CDH18: variants seen among roughly 807,000 people sequenced by gnomAD.
CDH18 encodes cadherin-18.
CDH18 carries 31 observed loss-of-function variants against 67.9 expected under a neutral mutation model. That is an observed-to-expected ratio of 0.46 (90% confidence interval 0.34 to 0.62). The LOEUF is 0.62. Ranked by LOEUF, CDH18 falls within the 20% of genes least tolerant of loss-of-function variation. The pLI is 0.01. For missense variants in CDH18, 890 were observed against 975.5 expected (o/e 0.91, Z 1.17); for synonymous variants, 362 against 347.2 (o/e 1.04, Z -0.48).
At chr5:20,179,058 GT>G (rs1398787563) in intron 2 of CDH18, among the ~76,000 whole-genome samples, 1 of 152,090 alleles carries the variant, frequency 6.6e-6, no homozygotes, top group Non-Finnish European at 1.5e-5. Context: ...TATAAAAAAT[GT>G]ATAGTAGAGT....
chr5:19,952,771 T>C lies in CDH18; in HGVS notation c.-257+28289A>G, dbSNP rs73762460. On this transcript the variant is annotated intron_variant, in intron 2 of 12. Transcript: ENST00000382275. ...ACATTCAATATATATTCAAACCTCA[T>C]ATAACATATTCAATGATATGAGAGG... Among the ~76,000 whole-genome samples the C allele has an allele frequency of 5.5e-3, 843 of 152,186 alleles. 8 individuals carry two copies. Among genetic ancestry groups the C allele is most frequent in the African/African-American group, 0.019 (783 of 41,538 alleles).
At chr5:19,473,836 G>T in intron 12 of CDH18, 120 bp from the exon 13 acceptor site, 2 of 817,846 alleles carry the variant, frequency 2.4e-6, no homozygotes, top group South Asian at 3.3e-5. Flanking sequence ...GAGTTAGGCT[G>T]GCATTGCAGC....
intron 2 of CDH18, among the ~76,000 whole-genome samples, chr5:19,999,217 TACAC>T (rs149828207): frequency 1.4e-4 from 21 of 149,866 alleles, no homozygotes; most frequent in South Asian, 4.2e-4. Flanking sequence ...AACTATTATT[TACAC>T]ACACACACAC....
chr5:20,296,679 T>C (rs953416714), intron 1 of CDH18, among the ~76,000 whole-genome samples: 17 of 151,906 alleles, frequency 1.1e-4, no homozygotes, highest in Non-Finnish European at 1.5e-5. Context: ...CTACAGTTTA[T>C]AATATATGTA....
At chr5:19,559,901 C>A (rs922943402) in intron 8 of CDH18, among the ~76,000 whole-genome samples, 1 of 141,830 alleles carries the variant, frequency 7.1e-6, no homozygotes, top group Non-Finnish European at 1.5e-5. Context: ...AACTCAACCC[C>A]TTTATAATAG....
chr5:19,685,269 T>C (rs1760915449), intron 5 of CDH18, among the ~76,000 whole-genome samples: 1 of 152,204 alleles, frequency 6.6e-6, no homozygotes, highest in Non-Finnish European at 1.5e-5. Flanking sequence ...TAAATATATT[T>C]GTAGCACAGT....
intron 2 of CDH18, among the ~76,000 whole-genome samples, chr5:19,859,168 A>C (rs1478323786): frequency 6.6e-6 from 1 of 152,110 alleles, no homozygotes; most frequent in African/African-American, 2.4e-5. Flanking sequence ...TTCCAAAGTT[A>C]ACCTGAAAAA....
At chr5:19,946,273 G>C (rs2150247677) in intron 2 of CDH18, among the ~76,000 whole-genome samples, 1 of 152,216 alleles carries the variant, frequency 6.6e-6, no homozygotes, top group Admixed American at 6.5e-5. Context: ...CCTTCCGGAA[G>C]GAAGGGGAAA....
chr5:20,350,150 T>C (rs577169920), intron 1 of CDH18, among the ~76,000 whole-genome samples: 36 of 152,238 alleles, frequency 2.4e-4, no homozygotes, highest in African/African-American at 7.7e-4. Context: ...TATTCTAATA[T>C]TTATTCTTAC....
intron 2 of CDH18, among the ~76,000 whole-genome samples, chr5:20,197,971 A>G (rs1739119064): frequency 6.6e-6 from 1 of 151,988 alleles, no homozygotes; most frequent in Non-Finnish European, 1.5e-5. Context: ...TCCTCATGAG[A>G]TCTAATGGTT....
intron 1 of CDH18, among the ~76,000 whole-genome samples, chr5:20,270,739 C>T (rs775215061): frequency 3.3e-4 from 50 of 152,052 alleles, no homozygotes; most frequent in Admixed American, 5.9e-4. Context: ...AACCTAAATG[C>T]CCATCAGTGG....
intron 1 of CDH18, among the ~76,000 whole-genome samples, chr5:20,405,567 A>C (rs1239920179): frequency 6.6e-6 from 1 of 152,216 alleles, no homozygotes; most frequent in Admixed American, 6.5e-5. Flanking sequence ...CAATGGCAAC[A>C]AAAGCCAAAA....
At chr5:19,746,388 A>G (rs1770000070) in intron 4 of CDH18, among the ~76,000 whole-genome samples, 1 of 152,230 alleles carries the variant, frequency 6.6e-6, no homozygotes, top group South Asian at 2.1e-4. Flanking sequence ...CTTAAAAATG[A>G]TATTCAAAAT....
At chr5:19,966,236 G>C (rs1022996919) in intron 2 of CDH18, among the ~76,000 whole-genome samples, 28 of 152,138 alleles carry the variant, frequency 1.8e-4, no homozygotes, top group Non-Finnish European at 3.2e-4. Flanking sequence ...GTTGTGTTCA[G>C]ATTATTTAAT....
intron 2 of CDH18, among the ~76,000 whole-genome samples, chr5:19,913,123 C>A (rs1391155623): frequency 6.6e-6 from 1 of 151,984 alleles, no homozygotes; most frequent in Non-Finnish European, 1.5e-5. Context: ...AAATTGACAT[C>A]TTGAGTGTGT....
chr5:20,001,696 T>C (rs1056500419), intron 2 of CDH18, among the ~76,000 whole-genome samples: 8 of 152,174 alleles, frequency 5.3e-5, no homozygotes, highest in Non-Finnish European at 1.0e-4. Flanking sequence ...TTGCATGTAG[T>C]GTGCTGAAAT....
At chr5:19,896,082 C>G (rs911714722) in intron 2 of CDH18, among the ~76,000 whole-genome samples, 4 of 151,990 alleles carry the variant, frequency 2.6e-5, no homozygotes, top group Non-Finnish European at 4.4e-5. Context: ...CTTGGTCGGA[C>G]GCAGTGGCTC....
intron 2 of CDH18, among the ~76,000 whole-genome samples, chr5:19,969,108 G>T (rs1797771044): frequency 6.8e-6 from 1 of 146,206 alleles, no homozygotes; most frequent in South Asian, 2.1e-4. Context: ...CACCATCACT[G>T]GCCATCAGAG....
intron 2 of CDH18, among the ~76,000 whole-genome samples, chr5:19,934,433 T>C (rs1185889889): frequency 6.6e-6 from 1 of 151,382 alleles, no homozygotes; most frequent in African/African-American, 2.4e-5. Context: ...AATGTTTCTG[T>C]TATATTTATG....
Sources: gnomAD v4.1 joint callset for allele counts (sites outside exome capture counted in the v4.1 genomes callset) on GRCh38, gnomAD v4.1.1 for gene constraint, MANE v1.5 for transcripts, NCBI Gene and HGNC (gene_info 2026-07-23, HGNC 2026-07-21) for gene names.